Variants in AGAP1 observed in about 807,000 individuals in gnomAD.
AGAP1 encodes the protein ArfGAP with GTPase domain, ankyrin repeat and PH domain 1, also known as arf-GAP with GTPase, ANK repeat and PH domain-containing protein 1.
In AGAP1, 29 loss-of-function variants were observed where a neutral mutation model predicts 105.3. The observed-to-expected ratio is 0.28, with a 90% CI of 0.21 to 0.38. The LOEUF is 0.38. AGAP1 is among the 10% of genes least tolerant of loss of function. AGAP1 has a pLI of 1.00. For synonymous variants in AGAP1, 509 were observed against 485.9 expected (o/e 1.05, Z -0.63); for missense variants, 998 against 1,165.1 (o/e 0.86, Z 2.09).
At chr2:235,497,416 T>C (rs970458532) in intron 1 of AGAP1, among the ~76,000 whole-genome samples, 1 of 152,180 alleles carries the variant, frequency 6.6e-6, no homozygotes, top group African/African-American at 2.4e-5. Flanking sequence ...TCTAACTGTT[T>C]CCAATCAGGA....
Position 236,051,169 on chromosome 2 carries a change from T to C in AGAP1, c.2114+1888T>C, listed in dbSNP as rs2125715380. 6.6e-6 allele frequency among the ~76,000 whole-genome samples: 1 copy of C among 152,348 alleles called. No homozygotes were observed. Among genetic ancestry groups the C allele is most frequent in the South Asian group, 2.1e-4 (1 of 4,824 alleles). ...GTGTTGGTGATGTGGTTCTGTGCTGTTGCTGAAGGTAACTGTGGAATTTCT... is the reference window on the plus strand; with the variant it reads ...GTGTTGGTGATGTGGTTCTGTGCTGCTGCTGAAGGTAACTGTGGAATTTCT... On this transcript the variant is annotated intron_variant, in intron 16 of 17. Coordinates refer to ENST00000304032, the MANE Select transcript of AGAP1 (RefSeq NM_001037131.3). The surrounding 1 kb of genome is among the most constrained non-coding windows in gnomAD (Gnocchi z 5.9).
rs1401578489 is a variant in AGAP1, at chr2:236,046,009, A to G, written c.1892-3050A>G. On this transcript the variant is annotated intron_variant, in intron 15 of 17. Coordinates refer to ENST00000304032, the MANE Select transcript of AGAP1 (RefSeq NM_001037131.3). The surrounding 1 kb of genome is among the most constrained non-coding windows in gnomAD (Gnocchi z 5.2). ...GTCGTCCTTCAGATCTGGACCTGAC[A>G]GCCTGGGAGCTGCTGGGGGGAGGTA... 3 of 471,556 alleles carry G rather than the reference A, an allele frequency of 6.4e-6. No individual in the cohort carries two copies. Among genetic ancestry groups the G allele is most frequent in the African/African-American group, 2.0e-5 (1 of 50,088 alleles). 29.2% of individuals were successfully genotyped at this position (471,556 alleles called of 1,614,324 possible).
intron 1 of AGAP1, among the ~76,000 whole-genome samples, chr2:235,590,127 C>T (rs1356255802): frequency 2.6e-5 from 4 of 152,114 alleles, no homozygotes; most frequent in South Asian, 4.1e-4. Context: ...GTGATCTGCC[C>T]GCCTCGGCCT....
chr2:235,683,342 T>C (rs1211864786), intron 1 of AGAP1, among the ~76,000 whole-genome samples: 1 of 152,078 alleles, frequency 6.6e-6, no homozygotes, highest in African/African-American at 2.4e-5. Flanking sequence ...GTAAAAATAC[T>C]GATCCCTTGG....
chr2:235,828,676 T>A (rs1468121370), intron 9 of AGAP1, among the ~76,000 whole-genome samples: 1 of 152,192 alleles, frequency 6.6e-6, no homozygotes, highest in African/African-American at 2.4e-5. Context: ...AAGAGTGGAA[T>A]GTCATGGAGC....
intron 1 of AGAP1, among the ~76,000 whole-genome samples, chr2:235,518,916 A>T (rs12233102): frequency 0.16 from 24,891 of 152,142 alleles, 2,322 homozygotes; most frequent in East Asian, 0.27. Context: ...CTTGGGCCTC[A>T]GTGGCAGGGG....
chr2:235,850,169 C>T (rs1000724684), intron 9 of AGAP1, among the ~76,000 whole-genome samples: 9 of 152,180 alleles, frequency 5.9e-5, no homozygotes, highest in Non-Finnish European at 8.8e-5. Flanking sequence ...AACCGGACGA[C>T]GTTAGCAAAC....
Position 235,887,077 on chromosome 2 carries a change from G to A in AGAP1, c.1155+3628G>A, listed in dbSNP as rs564850692. ...AGTTCAGGTCCCAAAATTTTACACCGTGAGAGTGACCCAGTTATCTCAGTC... is the reference window on the plus strand; with the variant it reads ...AGTTCAGGTCCCAAAATTTTACACCATGAGAGTGACCCAGTTATCTCAGTC... On this transcript the variant is annotated intron_variant, in intron 10 of 17. Transcript: ENST00000304032. This position sits in a 1 kb window ranked among gnomAD's most constrained non-coding sequence, Gnocchi z 4.1. 1.4e-4 allele frequency among the ~76,000 whole-genome samples: 21 copies of A among 152,274 alleles called. No homozygotes were observed. In the East Asian group the frequency reaches 1.9e-3, roughly 14 times the overall value.
intron 1 of AGAP1, among the ~76,000 whole-genome samples, chr2:235,538,351 G>T (rs1006035147): frequency 1.3e-5 from 2 of 151,684 alleles, no homozygotes; most frequent in African/African-American, 4.8e-5. Flanking sequence ...ATCACAAAAT[G>T]CATTGGATTC....
At chr2:235,998,711 GTGGTGATGATGA>G (rs1272659917) in intron 13 of AGAP1, among the ~76,000 whole-genome samples, 3 of 83,922 alleles carry the variant, frequency 3.6e-5, no homozygotes, top group Non-Finnish European at 9.2e-5. Context: ...GATGATGATA[GTGGTGATGATGA>G]TGGTGATGGT....
rs1021960201 is a variant in AGAP1 at position 235,523,163 on chromosome 2, T to C, written c.163+28314T>C. Among the ~76,000 whole-genome samples the C allele has an allele frequency of 2.0e-5, 3 of 152,156 alleles. 1 individual carries two copies. Among genetic ancestry groups the C allele is most frequent in the Admixed American group, 1.3e-4 (2 of 15,268 alleles). On this transcript the variant is annotated intron_variant, in intron 1 of 17. Coordinates refer to ENST00000304032, the MANE Select transcript of AGAP1 (RefSeq NM_001037131.3). ...AGAGAGAAAGGCTGGTCTCTTCCTC[T>C]TCCTGTAAGGACACTGATCCCATCA...
At chr2:235,560,354 T>C (rs2149134033) in intron 1 of AGAP1, among the ~76,000 whole-genome samples, 2 of 152,012 alleles carry the variant, frequency 1.3e-5, no homozygotes, top group Middle Eastern at 6.8e-3. Context: ...CATCCCTCCC[T>C]CCTCACCTCC....
In AGAP1 at chr2:236,008,383, G is replaced by A. The variant is rs367722811; in HGVS notation, c.1646-28178G>A. Among the ~76,000 whole-genome samples the A allele has an allele frequency of 8.3e-4, 127 of 152,344 alleles. 3 individuals carry two copies. In the South Asian group the frequency reaches 0.021, roughly 26 times the overall value. ...AACAGGTACTCCGTGAAAACAGGGA[G>A]AGAAATTTCTGTTTTTCACCGATGC... On this transcript the variant is annotated intron_variant, in intron 13 of 17. Transcript: ENST00000304032.
intron 9 of AGAP1, among the ~76,000 whole-genome samples, chr2:235,837,238 G>A (rs867538322): frequency 2.6e-5 from 4 of 152,280 alleles, no homozygotes; most frequent in Middle Eastern, 6.8e-3. Context: ...GCCCACCTCG[G>A]CCTCCCAAAG....
At position 235,990,738 on chromosome 2, in the gene AGAP1, ACT is replaced by A. The variant is rs558746641; in HGVS notation, c.1645+22118_1645+22119del. The stretch of plus-strand genomic sequence containing the variant: ...TTAGGGTCTAGGGTAGCAGAAATAG[ACT>A]CTGCCTCTGGATAGAGAGTGGCAAG... On this transcript the variant is annotated intron_variant, in intron 13 of 17. Coordinates refer to ENST00000304032, the MANE Select transcript of AGAP1 (RefSeq NM_001037131.3). 1.7e-4 allele frequency among the ~76,000 whole-genome samples: 26 copies of A among 152,190 alleles called. No homozygotes were observed. In the East Asian group the frequency reaches 4.8e-3, roughly 28 times the overall value.
rs375210487 is a variant in AGAP1 at position 235,874,068 on chromosome 2, T to C, written c.1051-9277T>C. On this transcript the variant is annotated intron_variant, in intron 9 of 17. Coordinates refer to ENST00000304032, the MANE Select transcript of AGAP1 (RefSeq NM_001037131.3). The surrounding 1 kb of genome is among the most constrained non-coding windows in gnomAD (Gnocchi z 4.5). ...GTTTTTTGTTTTGTTTTGTTTTTGT[T>C]TTTGTTTTGAGACAGGGTCTTGCTC... Among the ~76,000 whole-genome samples, 3 of 151,424 alleles carry C rather than the reference T, an allele frequency of 2.0e-5. No individual in the cohort carries two copies. The East Asian group carries it at 5.9e-4, about 30-fold the overall frequency.
chr2:235,614,121 G>A lies in AGAP1; in HGVS notation c.164-95058G>A, dbSNP rs1424612752. On this transcript the variant is annotated intron_variant, in intron 1 of 17. Coordinates refer to ENST00000304032, the MANE Select transcript of AGAP1 (RefSeq NM_001037131.3). The surrounding 1 kb of genome is among the most constrained non-coding windows in gnomAD (Gnocchi z 4.7). The stretch of plus-strand genomic sequence containing the variant: ...CACCAAATATTGATTGTACATCTGC[G>A]AATGTGCTAGATACCCTACTGGTGC... 1.3e-5 allele frequency among the ~76,000 whole-genome samples: 2 copies of A among 151,970 alleles called. No individual in the cohort carries two copies. The highest frequency in any genetic ancestry group is 2.4e-5 in the African/African-American group (1 of 41,362).
intron 1 of AGAP1, among the ~76,000 whole-genome samples, chr2:235,541,251 G>T (rs1310087352): frequency 6.6e-6 from 1 of 152,054 alleles, no homozygotes. Context: ...GCTGCCATCT[G>T]GCTGAGGAGA....
At position 236,098,620 on chromosome 2, in the gene AGAP1, C is replaced by CTT. The variant is rs34419216; in HGVS notation, c.2115-21554_2115-21553dup. 3.0e-4 allele frequency among the ~76,000 whole-genome samples: 35 copies of CTT among 115,236 alleles called. 1 individual carries two copies. The highest frequency in any genetic ancestry group is 1.2e-3 in the African/African-American group (32 of 25,788). 75.6% of individuals were successfully genotyped at this position (115,236 alleles called of 152,430 possible). ...GCTGACTTGATGAAATCTTTTTTTC[C>CTT]TTTTTTTTTTTTTTTTTTTAGAGAA... On this transcript the variant is annotated intron_variant, in intron 16 of 17. Coordinates refer to ENST00000304032, the MANE Select transcript of AGAP1 (RefSeq NM_001037131.3).
Sources: allele counts gnomAD v4.1 joint callset (sites outside exome capture counted in the v4.1 genomes callset), GRCh38; gene constraint gnomAD v4.1.1; non-coding constraint Gnocchi (gnomAD v3.1); transcripts MANE v1.5; gene names NCBI Gene and HGNC (gene_info 2026-07-23, HGNC 2026-07-21).